NLRC3: variants seen among roughly 807,000 people sequenced by gnomAD.
NLRC3 encodes the protein NLR family CARD domain containing 3, also known as NLR family CARD domain-containing protein 3.
A neutral mutation model predicts 91.6 loss-of-function variants in NLRC3; 87 were observed. The ratio of observed to expected loss-of-function variants is 0.95; its 90% CI spans 0.80 to 1.14. NLRC3 has a LOEUF of 1.14. Among genes scored for constraint, NLRC3 ranks in the 50% most tolerant of loss-of-function variants. The probability of loss-of-function intolerance (pLI) is 0.00; values close to 1 mark genes in which losing one functional copy is unlikely to be tolerated. For synonymous variants in NLRC3, 694 were observed against 625.3 expected, an observed-to-expected ratio of 1.11 and a Z score of -1.64; for missense variants, 1,577 against 1,418.6, an observed-to-expected ratio of 1.11 and a Z score of -1.79.
intron 1 of NLRC3, among the ~76,000 whole-genome samples, chr16:3,572,850 T>TA (rs1455108238): frequency 2.0e-5 from 3 of 151,462 alleles, no homozygotes; most frequent in African/African-American, 7.3e-5. Flanking sequence ...CCGTCTCTAC[T>TA]AAAAATACAA....
chr16:3,555,318 A>G (rs1217374765), intron 8 of NLRC3, among the ~76,000 whole-genome samples: 2 of 152,112 alleles, frequency 1.3e-5, no homozygotes, highest in African/African-American at 4.8e-5. Flanking sequence ...CATCATGCTC[A>G]ATGAGGAAAG....
chr16:3,549,062 G>T, intron 13 of NLRC3, 80 bp downstream of exon 13: 1 of 1,094,634 alleles, frequency 9.1e-7, no homozygotes, highest in Non-Finnish European at 1.4e-6. Flanking sequence ...GACGTGGCGA[G>T]GGTGCCCGTC....
chr16:3,563,620 C>T lies in NLRC3; in HGVS notation c.1317G>A (p.Leu439=), dbSNP rs1304430468. 2 of 1,613,506 alleles carry T rather than the reference C, an allele frequency of 1.2e-6. No homozygotes were observed. The highest frequency in any genetic ancestry group is 2.2e-5 in the East Asian group (1 of 44,872). ...ACGATGCCAACGTCTCCTCTCTCTG[C>T]AGGAAGCAGCTGCACGGGGCGCCCT... The part of the protein sequence containing the change: ...LLQGAPCSCF[L]QREETLASSV... The change falls in exon 5 of 20, where the codon CTG becomes CTA. Residue 439 remains leucine (L), a synonymous_variant. Coordinates refer to ENST00000359128, the MANE Select transcript of NLRC3 (RefSeq NM_178844.4).
At chr16:3,556,761 C>A in intron 8 of NLRC3, 150 bp downstream of exon 8, 1 of 614,840 alleles carries the variant, frequency 1.6e-6, no homozygotes, top group Non-Finnish European at 2.9e-6. Context: ...TCTCAGCCTC[C>A]CAAAGGGTTG....
chr16:3,570,349 T>C (rs766844473), intron 1 of NLRC3, among the ~76,000 whole-genome samples: 1 of 152,212 alleles, frequency 6.6e-6, no homozygotes, highest in Non-Finnish European at 1.5e-5. Context: ...ATATGATTTA[T>C]TTCTCTTCAT....
In NLRC3 at chr16:3,548,255, G is replaced by C. The variant is rs771261573; in HGVS notation, c.2688-37C>G. The C allele has an allele frequency of 1.4e-5, 21 of 1,511,988 alleles. No homozygotes were observed. In the South Asian group the frequency reaches 1.5e-4, roughly 11 times the overall value. The allele number at this position is 1,511,988 out of a possible 1,614,324, so 93.7% of individuals were successfully genotyped here. On this transcript the variant is annotated intron_variant, in intron 14 of 19. Coordinates refer to ENST00000359128, the MANE Select transcript of NLRC3 (RefSeq NM_178844.4). ...CAGACACATGTGACTATGTGACTAT[G>C]TGACTATGTGGCCCTGGGGCAGAGC...
intron 1 of NLRC3, among the ~76,000 whole-genome samples, chr16:3,571,965 A>G (rs1222089478): frequency 6.6e-6 from 1 of 151,594 alleles, no homozygotes; most frequent in African/African-American, 2.4e-5. Flanking sequence ...TAATTAAAAT[A>G]TTTATAAGTA....
Position 3,563,444 on chromosome 16 carries a change from G to A in NLRC3, c.1493C>T (p.Ala498Val). ...RLGFLTHFRS[A>V]AQRAMQAEDG... ...CTCTGCCTGCATGGCCCGCTGGGCTGCGCTCCTGAAATGCGTGAGGAAGCC... is the reference window on the plus strand; with the variant it reads ...CTCTGCCTGCATGGCCCGCTGGGCTACGCTCCTGAAATGCGTGAGGAAGCC... The change falls in exon 5 of 20, where the codon GCA becomes GTA. Residue 498 changes from alanine to valine, a missense_variant. By Grantham distance (64) the Ala-to-Val change is moderately conservative. Coordinates refer to ENST00000359128, the MANE Select transcript of NLRC3 (RefSeq NM_178844.4). 1 of 1,577,854 alleles carries A rather than the reference G, an allele frequency of 6.3e-7. No homozygotes were observed. Among genetic ancestry groups the A allele is most frequent in the East Asian group, 2.3e-5 (1 of 42,846 alleles).
intron 1 of NLRC3, among the ~76,000 whole-genome samples, chr16:3,571,958 T>A (rs1042562971): frequency 6.6e-6 from 1 of 151,040 alleles, no homozygotes; most frequent in African/African-American, 2.4e-5. Flanking sequence ...ATAATAATAA[T>A]TAAAATATTT....
intron 16 of NLRC3, 184 bp downstream of exon 16, chr16:3,544,062 G>A (rs2038553378): frequency 1.7e-6 from 1 of 577,514 alleles, no homozygotes; most frequent in South Asian, 2.1e-5. Flanking sequence ...GGAGGCTGAG[G>A]CTTGAGAATC....
chr16:3,544,259 G>C lies in NLRC3; in HGVS notation c.2842C>G (p.Leu948Val). The change falls in exon 16 of 20, where the codon CTC becomes GTC. Residue 948 changes from leucine (L) to valine (V), a missense_variant. Leu to Val is a conservative substitution (Grantham distance 32). Transcript: ENST00000359128. ...TCTAGGACTTACTAGAGAGCAGTGA[G>C]GGCTGTGTTGACCTTCAGTGCACGG... ...VARALKVNTA[L>V]TALYLQVASI... 6.2e-7 allele frequency: 1 copy of C among 1,608,156 alleles called. No individual in the cohort carries two copies. The highest frequency in any genetic ancestry group is 8.5e-7 in the Non-Finnish European group (1 of 1,174,644).
At chr16:3,545,639 A>C (rs2038653282) in intron 15 of NLRC3, 1 of 152,316 alleles carries the variant, frequency 6.6e-6, no homozygotes, top group Non-Finnish European at 1.5e-5. Context: ...CAGGTACAAC[A>C]GGCCAAGTGC....
In NLRC3 at chr16:3,577,319, A is replaced by G; in HGVS notation, c.-339T>C. On this transcript the variant is annotated 5_prime_UTR_variant, in exon 1 of 20. Transcript: ENST00000359128. Reference sequence around the variant, plus strand: ...AGGGATCAGGGCACTTACCACGCCAACCAACCAACCGTGTGGGGGCCGAGA... The same window carrying G: ...AGGGATCAGGGCACTTACCACGCCAGCCAACCAACCGTGTGGGGGCCGAGA... 1 of 649,430 alleles carries G rather than the reference A, an allele frequency of 1.5e-6. No individual in the cohort carries two copies. Among genetic ancestry groups the G allele is most frequent in the Admixed American group, 2.2e-5 (1 of 45,112 alleles). 40.2% of individuals were successfully genotyped at this position (649,430 alleles called of 1,614,324 possible). A position where few individuals can be genotyped will look rare whatever the true frequency, so the allele number is the denominator to read the frequency against.
At chr16:3,573,373 G>C (rs2040168165) in intron 1 of NLRC3, among the ~76,000 whole-genome samples, 1 of 152,162 alleles carries the variant, frequency 6.6e-6, no homozygotes, top group African/African-American at 2.4e-5. Context: ...GCTGCAGTTA[G>C]CTGAGATCTC....
intron 1 of NLRC3, among the ~76,000 whole-genome samples, chr16:3,576,499 C>T (rs2040300455): frequency 6.6e-6 from 1 of 152,198 alleles, no homozygotes; most frequent in Admixed American, 6.5e-5. Flanking sequence ...CCAGGTCTGC[C>T]GATTCCCCAG....
chr16:3,542,841 G>A (rs1024064562), intron 17 of NLRC3, 66 bp from the exon 18 acceptor site: 8 of 1,095,318 alleles, frequency 7.3e-6, no homozygotes, highest in Admixed American at 2.0e-5. Context: ...ACCCCTCTGC[G>A]GGTGGGCTTG....
At chr16:3,550,375 G>T in intron 11 of NLRC3, 39 bp downstream of exon 11, 1 of 1,406,450 alleles carries the variant, frequency 7.1e-7, no homozygotes, top group Non-Finnish European at 1.0e-6. Flanking sequence ...ACTGGAAAGA[G>T]AACCCAGGGG....
intron 19 of NLRC3, 100 bp downstream of exon 19, chr16:3,542,091 T>A: frequency 1.1e-6 from 1 of 923,564 alleles, no homozygotes; most frequent in Non-Finnish European, 1.7e-6. Flanking sequence ...ATAGGCCTGC[T>A]GAAGCGTCTG....
At chr16:3,542,162 G>A in intron 19 of NLRC3, 29 bp downstream of exon 19, 1 of 1,484,404 alleles carries the variant, frequency 6.7e-7, no homozygotes, top group African/African-American at 1.4e-5. Flanking sequence ...GCAGTTCTAA[G>A]GGTGAGCAGG....
Sources: gnomAD v4.1 joint callset for allele counts (sites outside exome capture counted in the v4.1 genomes callset) on GRCh38, gnomAD v4.1.1 for gene constraint, MANE v1.5 for transcripts, NCBI Gene and HGNC (gene_info 2026-07-23, HGNC 2026-07-21) for gene names.